Variants in CCNG2 observed in about 807,000 individuals in gnomAD.
CCNG2 encodes cyclin-G2.
A neutral mutation model predicts 36.5 loss-of-function variants in CCNG2; 20 were observed. The ratio of observed to expected loss-of-function variants is 0.55; its 90% CI spans 0.39 to 0.80. The LOEUF (loss-of-function observed/expected upper bound fraction) is 0.80. Ranked by LOEUF, CCNG2 falls within the 30% of genes least tolerant of loss-of-function variation. The pLI is 0.00. For missense variants in CCNG2, 358 were observed against 390.8 expected, an observed-to-expected ratio of 0.92 and a Z score of 0.71; for synonymous variants, 155 against 140.1, an observed-to-expected ratio of 1.11 and a Z score of -0.75.
chr4:77,160,757 T>A lies in CCNG2; in HGVS notation c.313T>A (p.Ser105Thr). 1 of 1,614,034 alleles carries A rather than the reference T, an allele frequency of 6.2e-7. No homozygotes were observed. The highest frequency in any genetic ancestry group is 8.5e-7 in the Non-Finnish European group (1 of 1,179,986). Residue 105 changes from serine (S) to threonine (T), a missense_variant, in exon 4 of 8, where the codon TCT (serine) becomes ACT (threonine). Transcript: ENST00000316355. ...ACATTTGTCTTGCATTGGAGTCTGT[T>A]CTTTTTTGCTGGCTGCTAGAATAGT... Reference protein sequence around the residue: ...PKHLSCIGVCSFLLAARIVEE... With the variant: ...PKHLSCIGVCTFLLAARIVEE...
intron 6 of CCNG2, among the ~76,000 whole-genome samples, chr4:77,162,125 C>T (rs1731455245): frequency 6.6e-6 from 1 of 152,192 alleles, no homozygotes; most frequent in Non-Finnish European, 1.5e-5. Flanking sequence ...ACTGTCATCC[C>T]ATTAGCAGCA....
At chr4:77,165,772 CCT>C in intron 7 of CCNG2, 27 bp from the exon 8 acceptor site, 1 of 1,523,988 alleles carries the variant, frequency 6.6e-7, no homozygotes, top group South Asian at 1.3e-5. Flanking sequence ...GTAATGGTAT[CCT>C]CTTTTTTTGT....
chr4:77,158,304 C>A (rs1415172525), intron 1 of CCNG2: 4 of 553,066 alleles, frequency 7.2e-6, no homozygotes, highest in Non-Finnish European at 1.3e-5. Flanking sequence ...GCCGGTCTTA[C>A]CCAGCGCTGG....
At chr4:77,158,784 C>A in intron 2 of CCNG2, 114 bp downstream of exon 2, 2 of 1,035,258 alleles carry the variant, frequency 1.9e-6, no homozygotes, top group South Asian at 1.6e-5. Flanking sequence ...AAAAGTTGTT[C>A]TTTCTGGAGT....
intron 1 of CCNG2, 37 bp from the exon 2 acceptor site, chr4:77,158,496 C>G (rs768443085): frequency 3.7e-6 from 6 of 1,612,680 alleles, no homozygotes; most frequent in African/African-American, 2.7e-5. Flanking sequence ...CCCTCTTACC[C>G]CCAGATTACA....
intron 4 of CCNG2, 77 bp downstream of exon 4, chr4:77,161,048 A>AT: frequency 9.3e-7 from 1 of 1,075,652 alleles, no homozygotes; most frequent in Non-Finnish European, 1.3e-6. Context: ...TGGCAATGAA[A>AT]TTTATATTTT....
rs1362148340 is a variant in CCNG2 at position 77,160,918 on chromosome 4, C to G, written c.474C>G (p.Ala158=). The G allele has an allele frequency of 3.1e-6, 5 of 1,610,202 alleles. No homozygotes were observed. Among genetic ancestry groups the G allele is most frequent in the Middle Eastern group, 3.3e-4 (2 of 6,058 alleles). Residue 158 remains alanine, a synonymous_variant, in exon 4 of 8, where the codon GCC becomes GCG. Transcript: ENST00000316355. The part of the protein sequence containing the change: ...KLHYELEATT[A]LNFLHLYHTI... Reference sequence around the variant, plus strand: ...ACTATGAATTGGAAGCTACTACTGCCTTAAACTTTTTGCACTTATACCATA... The same window carrying G: ...ACTATGAATTGGAAGCTACTACTGCGTTAAACTTTTTGCACTTATACCATA...
chr4:77,157,879 C>G (rs1577902499), intron 1 of CCNG2, among the ~76,000 whole-genome samples: 2 of 152,000 alleles, frequency 1.3e-5, no homozygotes, highest in South Asian at 2.1e-4. Flanking sequence ...GGGCGCGGGG[C>G]GGGCGGGCTG....
At chr4:77,159,004 T>A (rs1174394512) in intron 2 of CCNG2, among the ~76,000 whole-genome samples, 3 of 152,214 alleles carry the variant, frequency 2.0e-5, no homozygotes, top group African/African-American at 7.2e-5. Context: ...GAAATACATA[T>A]TTATAGTAGA....
chr4:77,164,280 G>T lies in CCNG2; in HGVS notation c.712G>T (p.Asp238Tyr), dbSNP rs372283071. The T allele has an allele frequency of 6.2e-7, 1 of 1,611,090 alleles. No homozygotes were observed. The highest frequency in any genetic ancestry group is 2.2e-5 in the East Asian group (1 of 44,836). ...LLVKKHSKINDTEFFYWRELV... is the reference protein window; with the variant it reads ...LLVKKHSKINYTEFFYWRELV... ...TAAAATATTTTTTTTTCAGATTAAT[G>T]ACACTGAGTTCTTCTACTGGAGAGA... Residue 238 changes from aspartate (D) to tyrosine (Y), a missense_variant, in exon 7 of 8, where the codon GAC (aspartate) becomes TAC (tyrosine). Transcript: ENST00000316355.
At chr4:77,162,692 GTT>G (rs928797152) in intron 6 of CCNG2, among the ~76,000 whole-genome samples, 1 of 151,816 alleles carries the variant, frequency 6.6e-6, no homozygotes, top group East Asian at 1.9e-4. Context: ...CTTACTTTGG[GTT>G]TTTTTTAAGC....
intron 6 of CCNG2, among the ~76,000 whole-genome samples, chr4:77,162,078 G>A (rs941756545): frequency 6.6e-6 from 1 of 152,146 alleles, no homozygotes; most frequent in Non-Finnish European, 1.5e-5. Context: ...AAACACTAAT[G>A]GGATAGGATG....
At position 77,160,675 on chromosome 4, in the gene CCNG2, A is replaced by G. The variant is rs370167613; in HGVS notation, c.277-46A>G. On this transcript the variant is annotated intron_variant, in intron 3 of 7. Transcript: ENST00000316355. ...ATTACAATATTCTAAGTATCTGCTA[A>G]GTCAAAGTGACAGTTGTTAAAAGAA... The G allele has an allele frequency of 5.0e-6, 8 of 1,586,166 alleles. No individual in the cohort carries two copies. In the African/African-American group the frequency reaches 9.5e-5, roughly 19 times the overall value.
rs1406903632 is a variant in CCNG2 at position 77,157,220 on chromosome 4, A to T, written c.-287A>T. The T allele has an allele frequency of 6.6e-6, 1 of 152,192 alleles. No individual in the cohort carries two copies. The highest frequency in any genetic ancestry group is 6.5e-5 in the Admixed American group (1 of 15,286). The allele number at this position is 152,192 out of a possible 1,614,324, so 9.4% of individuals were successfully genotyped here. On this transcript the variant is annotated 5_prime_UTR_variant, in exon 1 of 8. Transcript: ENST00000316355. ...GGGGGCGTCGAAACTCTTAACAAAAACAAGGGGCTCGGGGAGGTTTCCGCT... is the reference window on the plus strand; with the variant it reads ...GGGGGCGTCGAAACTCTTAACAAAATCAAGGGGCTCGGGGAGGTTTCCGCT...
At chr4:77,159,648 A>G (rs1370635273) in intron 3 of CCNG2, 144 bp downstream of exon 3, 1 of 741,674 alleles carries the variant, frequency 1.3e-6, no homozygotes, top group Non-Finnish European at 2.1e-6. Context: ...CGTTAGTGCC[A>G]GAATAAGACT....
In CCNG2 at chr4:77,166,047, T is replaced by G. The variant is rs1220907185; in HGVS notation, c.*123T>G. On this transcript the variant is annotated 3_prime_UTR_variant, in exon 8 of 8. Coordinates refer to ENST00000316355, the MANE Select transcript of CCNG2 (RefSeq NM_004354.3). ...TTAATATACTGGAATACCTACCTTCTATTTGTTATTCAGATCAGATCTGGC... is the reference window on the plus strand; with the variant it reads ...TTAATATACTGGAATACCTACCTTCGATTTGTTATTCAGATCAGATCTGGC... 2 of 877,114 alleles carry G rather than the reference T, an allele frequency of 2.3e-6. No individual in the cohort carries two copies. The highest frequency in any genetic ancestry group is 3.3e-6 in the Non-Finnish European group (2 of 598,634). 54.3% of individuals were successfully genotyped at this position (877,114 alleles called of 1,614,324 possible).
chr4:77,166,570 A>C lies in CCNG2; in HGVS notation c.*646A>C, dbSNP rs1017195655. ...CAGAAATAATTAGGCTAGGGCTCTT[A>C]GTTTTCATTCCTATTGCCCAAGTAT... is the stretch of plus-strand genomic sequence containing the variant. On this transcript the variant is annotated 3_prime_UTR_variant, in exon 8 of 8. Transcript: ENST00000316355. 2 of 152,206 alleles carry C rather than the reference A, an allele frequency of 1.3e-5. No homozygotes were observed. Among genetic ancestry groups the C allele is most frequent in the African/African-American group, 2.4e-5 (1 of 41,470 alleles). The allele number at this position is 152,206 out of a possible 1,614,324, so 9.4% of individuals were successfully genotyped here. A position where few individuals can be genotyped will look rare whatever the true frequency, so the allele number is the denominator to read the frequency against.
chr4:77,162,608 C>T (rs890522714), intron 6 of CCNG2, among the ~76,000 whole-genome samples: 1 of 151,942 alleles, frequency 6.6e-6, no homozygotes, highest in African/African-American at 2.4e-5. Context: ...GTCTTGAACT[C>T]CTGACTTCAA....
At chr4:77,164,176 T>G in intron 6 of CCNG2, 98 bp from the exon 7 acceptor site, 3 of 784,090 alleles carry the variant, frequency 3.8e-6, no homozygotes, top group Non-Finnish European at 6.2e-6. Context: ...GAGCCAGGCA[T>G]CTATATATAT....
Sources: gnomAD v4.1 joint callset for allele counts (sites outside exome capture counted in the v4.1 genomes callset) on GRCh38, gnomAD v4.1.1 for gene constraint, MANE v1.5 for transcripts, NCBI Gene and HGNC (gene_info 2026-07-23, HGNC 2026-07-21) for gene names.